The following HS3ST5 variants were observed in gnomAD, a reference collection of about 807,000 sequenced individuals.
The protein encoded by HS3ST5 is heparan sulfate-glucosamine 3-sulfotransferase 5.
HS3ST5 carries 10 observed loss-of-function variants against 25.4 expected under a neutral mutation model. The observed-to-expected ratio is 0.39, with a 90% CI of 0.24 to 0.67. HS3ST5 has a LOEUF of 0.67. Among genes scored for constraint, HS3ST5 ranks in the 30% least tolerant of loss-of-function variants. The pLI is 0.44. For missense variants in HS3ST5, 324 were observed against 420.7 expected, an observed-to-expected ratio of 0.77 and a Z score of 2.01; for synonymous variants, 170 against 162.4, an observed-to-expected ratio of 1.05 and a Z score of -0.36.
chr6:114,153,872 C>T (rs1778574871), intron 3 of HS3ST5, among the ~76,000 whole-genome samples: 1 of 152,182 alleles, frequency 6.6e-6, no homozygotes, highest in Non-Finnish European at 1.5e-5. Flanking sequence ...AACTAAGATG[C>T]AGAAAGGTCA....
intron 2 of HS3ST5, among the ~76,000 whole-genome samples, chr6:114,207,975 T>C (rs1458379830): frequency 6.6e-6 from 1 of 152,214 alleles, no homozygotes; most frequent in Non-Finnish European, 1.5e-5. Flanking sequence ...ATACATCCCA[T>C]GTCTTACTAC....
intron 3 of HS3ST5, chr6:114,084,110 A>G: frequency 4.3e-6 from 2 of 468,614 alleles, no homozygotes; most frequent in Non-Finnish European, 3.7e-6. Context: ...TTAGAAACTG[A>G]TGTTTATTTC....
chr6:114,122,796 G>C (rs1174228543), intron 3 of HS3ST5, among the ~76,000 whole-genome samples: 1 of 152,132 alleles, frequency 6.6e-6, no homozygotes, highest in African/African-American at 2.4e-5. Context: ...ATGACTTGTA[G>C]GTCATAACAT....
At chr6:114,144,932 G>A (rs1395674201) in intron 3 of HS3ST5, among the ~76,000 whole-genome samples, 3 of 152,190 alleles carry the variant, frequency 2.0e-5, no homozygotes, top group Admixed American at 1.3e-4. Context: ...GTTGGGACCT[G>A]AACAGTGGGA....
chr6:114,072,989 A>G (rs955312814), intron 3 of HS3ST5, among the ~76,000 whole-genome samples: 2 of 152,180 alleles, frequency 1.3e-5, no homozygotes, highest in African/African-American at 2.4e-5. Context: ...AAATAATGCC[A>G]CACATCTACA....
intron 3 of HS3ST5, among the ~76,000 whole-genome samples, chr6:114,117,209 A>G (rs1393956523): frequency 6.6e-6 from 1 of 152,200 alleles, no homozygotes; most frequent in African/African-American, 2.4e-5. Context: ...TAGGCAAAAT[A>G]TCTTGAATTT....
At chr6:114,077,503 A>G (rs1221983945) in intron 3 of HS3ST5, among the ~76,000 whole-genome samples, 1 of 152,208 alleles carries the variant, frequency 6.6e-6, no homozygotes, top group Non-Finnish European at 1.5e-5. Flanking sequence ...TTGCATTTAT[A>G]TAGAAAAGTG....
At chr6:114,338,741 A>T (rs1776709776) in intron 1 of HS3ST5, among the ~76,000 whole-genome samples, 1 of 152,084 alleles carries the variant, frequency 6.6e-6, no homozygotes, top group African/African-American at 2.4e-5. Flanking sequence ...AGAAACAAAC[A>T]TTGATTCCAG....
At chr6:114,299,072 A>C (rs980749388) in intron 1 of HS3ST5, among the ~76,000 whole-genome samples, 1 of 152,224 alleles carries the variant, frequency 6.6e-6, no homozygotes, top group Non-Finnish European at 1.5e-5. Flanking sequence ...TCTTCTTTCA[A>C]AAGCAAATGG....
intron 3 of HS3ST5, among the ~76,000 whole-genome samples, chr6:114,109,260 A>AT (rs1055039561): frequency 2.1e-4 from 26 of 125,840 alleles, no homozygotes; most frequent in African/African-American, 6.6e-4. Flanking sequence ...GTTTGTATCT[A>AT]TATGTGTGTG....
At position 114,160,164 on chromosome 6, in the gene HS3ST5, T is replaced by C. The variant is rs191248968; in HGVS notation, c.-33+8187A>G. 6.8e-4 allele frequency among the ~76,000 whole-genome samples: 104 copies of C among 152,292 alleles called. No homozygotes were observed. The East Asian group carries it at 0.012, about 18-fold the overall frequency. ...ATAGTTGTATGATGCCTGGCAGCAA[T>C]AGGCGTGCATTTGCTGTATGAATGA... is the stretch of plus-strand genomic sequence containing the variant. On this transcript the variant is annotated intron_variant, in intron 3 of 4. Coordinates refer to ENST00000312719, the MANE Select transcript of HS3ST5 (RefSeq NM_153612.4).
chr6:114,186,626 T>C (rs1424157223), intron 2 of HS3ST5, among the ~76,000 whole-genome samples: 1 of 152,196 alleles, frequency 6.6e-6, no homozygotes, highest in South Asian at 2.1e-4. Flanking sequence ...AATGTTGATA[T>C]AGAGGCGGCA....
chr6:114,133,971 T>TGA (rs148216053), intron 3 of HS3ST5, among the ~76,000 whole-genome samples: 39 of 148,650 alleles, frequency 2.6e-4, no homozygotes, highest in East Asian at 9.9e-4. Flanking sequence ...TGTGGGAGCA[T>TGA]GAGAGAGAGA....
intron 1 of HS3ST5, among the ~76,000 whole-genome samples, chr6:114,318,775 G>A (rs1775848212): frequency 6.6e-6 from 1 of 152,186 alleles, no homozygotes; most frequent in Admixed American, 6.5e-5. Context: ...GGAAATAGAA[G>A]CAGTTACCTT....
chr6:114,279,586 C>A (rs752479452), intron 1 of HS3ST5, among the ~76,000 whole-genome samples: 2 of 152,018 alleles, frequency 1.3e-5, no homozygotes, highest in Non-Finnish European at 1.5e-5. Context: ...ACAGTCCCCA[C>A]ATTTCTATTA....
chr6:114,093,385 G>C (rs1056622480), intron 3 of HS3ST5, among the ~76,000 whole-genome samples: 1 of 138,960 alleles, frequency 7.2e-6, no homozygotes. Context: ...GTGTGTGTGT[G>C]TGTGTGTGTG....
intron 3 of HS3ST5, among the ~76,000 whole-genome samples, chr6:114,099,013 A>G (rs1460876064): frequency 1.3e-5 from 2 of 152,142 alleles, no homozygotes; most frequent in Non-Finnish European, 2.9e-5. Context: ...ACCCGAAGTT[A>G]AATAACAATA....
At chr6:114,066,145 A>G (rs1170749738) in intron 3 of HS3ST5, among the ~76,000 whole-genome samples, 1 of 152,144 alleles carries the variant, frequency 6.6e-6, no homozygotes, top group Non-Finnish European at 1.5e-5. Flanking sequence ...TTTGGTGTGT[A>G]TTATCATCAT....
At chr6:114,323,574 C>A (rs1041642796) in intron 1 of HS3ST5, among the ~76,000 whole-genome samples, 1 of 151,962 alleles carries the variant, frequency 6.6e-6, no homozygotes, top group African/African-American at 2.4e-5. Flanking sequence ...TAATTTAAGC[C>A]GCAATTTCCT....
Sources: allele counts gnomAD v4.1 joint callset (sites outside exome capture counted in the v4.1 genomes callset), GRCh38; gene constraint gnomAD v4.1.1; transcripts MANE v1.5; gene names NCBI Gene and HGNC (gene_info 2026-07-23, HGNC 2026-07-21).